Variants in GALNTL6 observed in about 807,000 individuals in gnomAD.
The protein encoded by GALNTL6 is polypeptide N-acetylgalactosaminyltransferase like 6.
GALNTL6 carries 46 observed loss-of-function variants against 73.7 expected under a neutral mutation model. The ratio of observed to expected loss-of-function variants is 0.62; its 90% CI spans 0.49 to 0.80. GALNTL6 has a LOEUF of 0.80. GALNTL6 is among the 30% of genes least tolerant of loss of function. GALNTL6 has a pLI of 0.00. For missense variants in GALNTL6, 604 were observed against 755.0 expected (o/e 0.80, Z 2.34); for synonymous variants, 259 against 263.7 (o/e 0.98, Z 0.17).
At chr4:172,719,061 A>T (rs1353780558) in intron 5 of GALNTL6, among the ~76,000 whole-genome samples, 1 of 152,216 alleles carries the variant, frequency 6.6e-6, no homozygotes, top group Non-Finnish European at 1.5e-5. Flanking sequence ...TTCGAAAGAC[A>T]TCAAAACGAG....
intron 5 of GALNTL6, among the ~76,000 whole-genome samples, chr4:172,705,579 A>G (rs1048950933): frequency 7.6e-4 from 116 of 151,704 alleles, no homozygotes; most frequent in African/African-American, 2.3e-3. Flanking sequence ...ACTTTTTCCA[A>G]TGATTTTTAT....
At chr4:172,547,383 T>C (rs143281851) in intron 5 of GALNTL6, among the ~76,000 whole-genome samples, 265 of 152,220 alleles carry the variant, frequency 1.7e-3, no homozygotes, top group African/African-American at 6.1e-3. Flanking sequence ...TTTGAGCAGA[T>C]TTTTCTTGAA....
chr4:172,673,213 G>A (rs953536970), intron 5 of GALNTL6, among the ~76,000 whole-genome samples: 2 of 151,976 alleles, frequency 1.3e-5, no homozygotes, highest in Admixed American at 1.3e-4. Context: ...CTGGTATGTT[G>A]CATCTTAGTT....
chr4:172,181,786 G>A (rs976762333), intron 2 of GALNTL6, among the ~76,000 whole-genome samples: 3 of 146,426 alleles, frequency 2.0e-5, no homozygotes, highest in Admixed American at 7.0e-5. Flanking sequence ...GCGCGATCTC[G>A]GCTCACTGCA....
chr4:172,897,268 G>T (rs1329824277), intron 8 of GALNTL6, among the ~76,000 whole-genome samples: 1 of 152,102 alleles, frequency 6.6e-6, no homozygotes, highest in African/African-American at 2.4e-5. Context: ...CAACAGGAGG[G>T]TTTAGAGCTG....
rs546016031 is a variant in GALNTL6, at chr4:172,318,490, CAG to C, written c.386+6739_386+6740del. On this transcript the variant is annotated intron_variant, in intron 4 of 12. Transcript: ENST00000506823. ...GGCTGAGGCAGGTGGATCATGAGGT[CAG>C]GGGTTCGAGACCAGCCTGGCCAACA... Among the ~76,000 whole-genome samples the C allele has an allele frequency of 9.5e-4, 144 of 152,176 alleles. 1 individual carries two copies. The highest frequency in any genetic ancestry group is 1.5e-3 in the Admixed American group (23 of 15,292).
At chr4:172,311,463 G>A (rs1740354837) in intron 3 of GALNTL6, 151 bp from the exon 4 acceptor site, 3 of 482,122 alleles carry the variant, frequency 6.2e-6, no homozygotes, top group Non-Finnish European at 1.0e-5. Context: ...TTACTTAAAG[G>A]CAATTAAAAT....
At chr4:172,733,997 A>G (rs1736305869) in intron 5 of GALNTL6, among the ~76,000 whole-genome samples, 1 of 152,188 alleles carries the variant, frequency 6.6e-6, no homozygotes, top group South Asian at 2.1e-4. Flanking sequence ...GACTTGTTGA[A>G]TAGCTTTGAC....
chr4:172,178,589 G>A (rs1218499343), intron 2 of GALNTL6, among the ~76,000 whole-genome samples: 1 of 151,812 alleles, frequency 6.6e-6, no homozygotes, highest in Non-Finnish European at 1.5e-5. Context: ...ACCCTGCAAA[G>A]GACATGAACT....
At chr4:172,524,202 G>A (rs1048758453) in intron 5 of GALNTL6, among the ~76,000 whole-genome samples, 9 of 151,918 alleles carry the variant, frequency 5.9e-5, no homozygotes, top group African/African-American at 2.2e-4. Flanking sequence ...GCTTTTGTGA[G>A]TAGCTATATT....
At chr4:172,503,989 T>A (rs1419541399) in intron 5 of GALNTL6, among the ~76,000 whole-genome samples, 1 of 50,146 alleles carries the variant, frequency 2.0e-5, no homozygotes, top group Non-Finnish European at 4.5e-5. Flanking sequence ...CCGTCTGTAC[T>A]AAAAATACAA....
At chr4:172,763,389 A>G (rs533581467) in intron 5 of GALNTL6, among the ~76,000 whole-genome samples, 10 of 152,380 alleles carry the variant, frequency 6.6e-5, no homozygotes, top group African/African-American at 2.2e-4. Flanking sequence ...AGAATACTTG[A>G]TAATTTATTT....
intron 10 of GALNTL6, among the ~76,000 whole-genome samples, chr4:172,974,152 C>G (rs1750705794): frequency 6.6e-6 from 1 of 152,144 alleles, no homozygotes; most frequent in Non-Finnish European, 1.5e-5. Flanking sequence ...AAATACATCA[C>G]CATATCCTGT....
chr4:172,879,159 A>T (rs1375889884), intron 7 of GALNTL6, among the ~76,000 whole-genome samples: 2 of 151,916 alleles, frequency 1.3e-5, no homozygotes, highest in Non-Finnish European at 2.9e-5. Flanking sequence ...GAAGAAATAA[A>T]CAAATCCAGA....
At chr4:172,667,128 C>G (rs920609825) in intron 5 of GALNTL6, 1 of 152,232 alleles carries the variant, frequency 6.6e-6, no homozygotes, top group African/African-American at 2.4e-5. Flanking sequence ...CCTATCATGT[C>G]CACATCTTCC....
intron 5 of GALNTL6, among the ~76,000 whole-genome samples, chr4:172,770,705 A>G (rs1279281932): frequency 6.6e-6 from 1 of 152,338 alleles, no homozygotes; most frequent in East Asian, 1.9e-4. Flanking sequence ...CTGAATATAC[A>G]TATGTTCTGC....
At chr4:172,145,081 C>A (rs901508665) in intron 2 of GALNTL6, among the ~76,000 whole-genome samples, 1 of 152,076 alleles carries the variant, frequency 6.6e-6, no homozygotes, top group African/African-American at 2.4e-5. Flanking sequence ...CCTCAGCCTC[C>A]TGAATAGCTG....
At chr4:172,218,984 GT>G (rs1293083087) in intron 2 of GALNTL6, among the ~76,000 whole-genome samples, 4 of 151,156 alleles carry the variant, frequency 2.6e-5, no homozygotes, top group Non-Finnish European at 5.9e-5. Context: ...ATGAGATAAA[GT>G]TTTTTATTTC....
chr4:172,684,135 C>T (rs145234454), intron 5 of GALNTL6, among the ~76,000 whole-genome samples: 169 of 152,248 alleles, frequency 1.1e-3, no homozygotes, highest in African/African-American at 3.4e-3. Flanking sequence ...TGGCTTAACA[C>T]CATAGTAAAG....
Sources: allele counts gnomAD v4.1 joint callset (sites outside exome capture counted in the v4.1 genomes callset), GRCh38; gene constraint gnomAD v4.1.1; transcripts MANE v1.5; gene names NCBI Gene and HGNC (gene_info 2026-07-23, HGNC 2026-07-21).